IL18R1: variants seen among roughly 807,000 people sequenced by gnomAD.
IL18R1 encodes interleukin-18 receptor 1.
In IL18R1, 40 loss-of-function variants were observed where a neutral mutation model predicts 48.5. That is an observed-to-expected ratio of 0.82 (90% confidence interval 0.64 to 1.07). The LOEUF is 1.07. IL18R1 is among the 50% of genes least tolerant of loss of function. IL18R1 has a pLI of 0.00. For missense variants in IL18R1, 596 were observed against 633.7 expected (o/e 0.94, Z 0.64); for synonymous variants, 232 against 225.9 (o/e 1.03, Z -0.24).
Position 102,396,853 on chromosome 2 carries a change from A to G in IL18R1, c.1593A>G (p.Glu531=). Reference sequence around the variant, plus strand: ...AAACAGTCAAGCCAGGTAGAGACGAACCGGAAGTCTTGCCTGTTCTTTCCG... The same window carrying G: ...AAACAGTCAAGCCAGGTAGAGACGAGCCGGAAGTCTTGCCTGTTCTTTCCG... ...PAKTVKPGRD[E]PEVLPVLSES Residue 531 remains glutamate, a synonymous_variant, in exon 11 of 11, where the codon GAA becomes GAG. Coordinates refer to ENST00000233957, the MANE Select transcript of IL18R1 (RefSeq NM_003855.5). 6.2e-7 allele frequency: 1 copy of G among 1,601,570 alleles called. No individual in the cohort carries two copies. The highest frequency in any genetic ancestry group is 1.1e-5 in the South Asian group (1 of 88,408).
At chr2:102,391,703 A>T (rs200255871) in intron 9 of IL18R1, among the ~76,000 whole-genome samples, 3 of 152,116 alleles carry the variant, frequency 2.0e-5, no homozygotes, top group African/African-American at 4.8e-5. Flanking sequence ...ATGACAGCAA[A>T]TTTTTTCCCA....
At chr2:102,369,331 G>A (rs963420779) in intron 3 of IL18R1, among the ~76,000 whole-genome samples, 9 of 152,216 alleles carry the variant, frequency 5.9e-5, no homozygotes, top group Admixed American at 4.6e-4. Context: ...GAAGCAAATG[G>A]CATTGGCCAT....
chr2:102,385,521 T>G (rs1680175456), intron 7 of IL18R1, among the ~76,000 whole-genome samples: 1 of 152,240 alleles, frequency 6.6e-6, no homozygotes, highest in East Asian at 1.9e-4. Context: ...CTTTGGGTCA[T>G]ACTGTAAGTA....
rs559549122 is a variant in IL18R1, at chr2:102,356,299, G to T, written c.-130G>T. Reference sequence around the variant, plus strand: ...CCACGGTAGTCAGGAGGCGGAGATCGCTGCTTCTCACCTACTTTCTGAACT... The same window carrying T: ...CCACGGTAGTCAGGAGGCGGAGATCTCTGCTTCTCACCTACTTTCTGAACT... On this transcript the variant is annotated 5_prime_UTR_variant, in exon 1 of 11. Coordinates refer to ENST00000233957, the MANE Select transcript of IL18R1 (RefSeq NM_003855.5). 2 of 979,620 alleles carry T rather than the reference G, an allele frequency of 2.0e-6. No individual in the cohort carries two copies. The highest frequency in any genetic ancestry group is 3.6e-5 in the African/African-American group (2 of 56,264). 60.7% of individuals were successfully genotyped at this position (979,620 alleles called of 1,614,324 possible).
chr2:102,385,212 G>C (rs1258588236), intron 7 of IL18R1, among the ~76,000 whole-genome samples: 1 of 152,150 alleles, frequency 6.6e-6, no homozygotes, highest in Non-Finnish European at 1.5e-5. Context: ...TGGAAAAGAA[G>C]GTCCATGAGA....
chr2:102,363,450 AC>A (rs1678704032), intron 2 of IL18R1, among the ~76,000 whole-genome samples: 1 of 152,202 alleles, frequency 6.6e-6, no homozygotes, highest in Non-Finnish European at 1.5e-5. Context: ...ATATTTACTT[AC>A]GTGAATCCAT....
intron 7 of IL18R1, among the ~76,000 whole-genome samples, chr2:102,386,399 G>GT (rs559386335): frequency 7.2e-4 from 109 of 152,314 alleles, no homozygotes; most frequent in African/African-American, 2.3e-3. Context: ...ACAGTGTTAT[G>GT]TTTTTTAATG....
At chr2:102,395,871 G>A (rs1264869536) in intron 10 of IL18R1, among the ~76,000 whole-genome samples, 2 of 152,148 alleles carry the variant, frequency 1.3e-5, no homozygotes, top group Admixed American at 6.5e-5. Context: ...ACACAGCCAC[G>A]CACATTGGTT....
intron 5 of IL18R1, among the ~76,000 whole-genome samples, chr2:102,379,855 C>A (rs561395711): frequency 6.6e-6 from 1 of 152,210 alleles, no homozygotes; most frequent in Admixed American, 6.5e-5. Context: ...CTGTGACTTG[C>A]TTTGGGGAGA....
intron 9 of IL18R1, among the ~76,000 whole-genome samples, chr2:102,392,067 G>A (rs1322678180): frequency 6.6e-6 from 1 of 152,166 alleles, no homozygotes; most frequent in Non-Finnish European, 1.5e-5. Flanking sequence ...ATACTCAAAT[G>A]TATCTTTTAT....
chr2:102,387,466 T>C (rs1198411849), intron 8 of IL18R1, among the ~76,000 whole-genome samples: 1 of 152,190 alleles, frequency 6.6e-6, no homozygotes, highest in East Asian at 1.9e-4. Context: ...CTCCTGAACT[T>C]GGCAAGCAGG....
In IL18R1 at chr2:102,356,039, GGAGCGCCCCAGACTGA is replaced by G. The variant is rs137953693; in HGVS notation, c.-376_-361del. 0.11 allele frequency: 16,572 copies of G among 152,120 alleles called. 995 individuals are homozygous for G. Among genetic ancestry groups the G allele is most frequent in the Non-Finnish European group, 0.13 (9,001 of 68,000 alleles). The allele number at this position is 152,120 out of a possible 1,614,324, so 9.4% of individuals were successfully genotyped here. ...CGAGTCAGGGAGGATTCTACGCCAGGGAGCGCCCCAGACTGAGAGCGCCCCAGACCGCTACACTCCC... is the reference window on the plus strand; with the variant it reads ...CGAGTCAGGGAGGATTCTACGCCAGGGAGCGCCCCAGACCGCTACACTCCC... On this transcript the variant is annotated 5_prime_UTR_variant, in exon 1 of 11. Transcript: ENST00000233957.
chr2:102,368,477 C>A (rs1559620211), intron 3 of IL18R1, among the ~76,000 whole-genome samples: 1 of 152,080 alleles, frequency 6.6e-6, no homozygotes, highest in Non-Finnish European at 1.5e-5. Flanking sequence ...TGGTGGGGAG[C>A]AGGGATGGGG....
At chr2:102,361,325 G>T (rs1678561969) in intron 1 of IL18R1, among the ~76,000 whole-genome samples, 1 of 152,026 alleles carries the variant, frequency 6.6e-6, no homozygotes, top group Admixed American at 6.6e-5. Flanking sequence ...TTGTTTCTTT[G>T]GCCTTTACAT....
intron 1 of IL18R1, among the ~76,000 whole-genome samples, chr2:102,360,915 T>C (rs1678538733): frequency 6.6e-6 from 1 of 152,194 alleles, no homozygotes; most frequent in African/African-American, 2.4e-5. Context: ...AATATAACCT[T>C]AATCTGTTAA....
At chr2:102,362,768 G>T in intron 2 of IL18R1, 50 bp downstream of exon 2, 1 of 1,208,982 alleles carries the variant, frequency 8.3e-7, no homozygotes, top group Non-Finnish European at 1.2e-6. Flanking sequence ...AATTGAGGAA[G>T]AATGTCAAAG....
chr2:102,396,329 G>GTT (rs1244503827), intron 10 of IL18R1, among the ~76,000 whole-genome samples: 1 of 152,094 alleles, frequency 6.6e-6, no homozygotes, highest in Non-Finnish European at 1.5e-5. Context: ...TACATAATAA[G>GTT]TGCTAAGTAG....
Position 102,397,927 on chromosome 2 carries a change from CA to C in IL18R1, c.*1042del, listed in dbSNP as rs1215342063. On this transcript the variant is annotated 3_prime_UTR_variant, in exon 11 of 11. Coordinates refer to ENST00000233957, the MANE Select transcript of IL18R1 (RefSeq NM_003855.5). ...ATTTATAATAATTGCACCTACCTCC[CA>C]GGGGTAACTAAATGAATAAATATAA... The C allele has an allele frequency of 6.6e-6, 1 of 152,104 alleles. No homozygotes were observed. The highest frequency in any genetic ancestry group is 2.4e-5 in the African/African-American group (1 of 41,396). The allele number at this position is 152,104 out of a possible 1,614,324, so 9.4% of individuals were successfully genotyped here.
chr2:102,397,713 T>G lies in IL18R1; in HGVS notation c.*827T>G, dbSNP rs1010000692. 2.6e-5 allele frequency: 4 copies of G among 152,472 alleles called. No homozygotes were observed. Among genetic ancestry groups the G allele is most frequent in the Non-Finnish European group, 5.9e-5 (4 of 68,018 alleles). 9.4% of individuals were successfully genotyped at this position (152,472 alleles called of 1,614,324 possible). A position where few individuals can be genotyped will look rare whatever the true frequency, so the allele number is the denominator to read the frequency against. Reference sequence around the variant, plus strand: ...CCATTGAATAGCAAAAAACTGATAGTTACTTGCTTGTTTTTTAAAAATTAC... The same window carrying G: ...CCATTGAATAGCAAAAAACTGATAGGTACTTGCTTGTTTTTTAAAAATTAC... On this transcript the variant is annotated 3_prime_UTR_variant, in exon 11 of 11. Coordinates refer to ENST00000233957, the MANE Select transcript of IL18R1 (RefSeq NM_003855.5).
Sources: allele counts gnomAD v4.1 joint callset (sites outside exome capture counted in the v4.1 genomes callset), GRCh38; gene constraint gnomAD v4.1.1; transcripts MANE v1.5; gene names NCBI Gene and HGNC (gene_info 2026-07-23, HGNC 2026-07-21).